CBL: variants seen among roughly 807,000 people sequenced by gnomAD.
The protein encoded by CBL is E3 ubiquitin-protein ligase CBL.
Under a neutral mutation model 96.9 loss-of-function variants are expected in CBL, and 45 were observed. The ratio of observed to expected loss-of-function variants is 0.46; its 90% CI spans 0.37 to 0.60. The LOEUF is 0.60. Ranked by LOEUF, CBL falls within the 20% of genes least tolerant of loss-of-function variation. The pLI is 0.00. For synonymous variants in CBL, 420 were observed against 426.8 expected (o/e 0.98, Z 0.20); for missense variants, 1,024 against 1,143.5 (o/e 0.90, Z 1.51).
chr11:119,298,265 G>A, intron 14 of CBL, 93 bp from the exon 15 acceptor site: 1 of 1,058,544 alleles, frequency 9.4e-7, no homozygotes, highest in South Asian at 1.3e-5. Flanking sequence ...ATAAATGATT[G>A]CATACATGTA....
At chr11:119,272,847 A>G (rs1565870671) in intron 3 of CBL, among the ~76,000 whole-genome samples, 1 of 152,144 alleles carries the variant, frequency 6.6e-6, no homozygotes, top group Non-Finnish European at 1.5e-5. Context: ...TTACATTACA[A>G]ATATCTTCTC....
chr11:119,218,331 G>A (rs1049477501), intron 1 of CBL, among the ~76,000 whole-genome samples: 2 of 152,022 alleles, frequency 1.3e-5, no homozygotes, highest in African/African-American at 4.8e-5. Context: ...AAGGGGATGG[G>A]GAGGAACTTT....
At chr11:119,224,890 G>A (rs546862121) in intron 1 of CBL, among the ~76,000 whole-genome samples, 2 of 151,912 alleles carry the variant, frequency 1.3e-5, no homozygotes, top group African/African-American at 2.4e-5. Flanking sequence ...GAGGTGGAGC[G>A]GGAGGCAAGG....
intron 2 of CBL, among the ~76,000 whole-genome samples, chr11:119,264,798 C>T (rs1411915436): frequency 3.3e-5 from 5 of 152,082 alleles, no homozygotes; most frequent in Non-Finnish European, 7.4e-5. Flanking sequence ...GGAAATTTTT[C>T]GGTCCTACAG....
intron 2 of CBL, among the ~76,000 whole-genome samples, chr11:119,241,464 C>T (rs1412904233): frequency 6.6e-6 from 1 of 152,178 alleles, no homozygotes; most frequent in Non-Finnish European, 1.5e-5. Flanking sequence ...CTATGGTAGG[C>T]ACTGCTCCTG....
intron 11 of CBL, among the ~76,000 whole-genome samples, chr11:119,287,278 C>T (rs959342461): frequency 6.6e-6 from 1 of 152,114 alleles, no homozygotes; most frequent in South Asian, 2.1e-4. Context: ...ACTGCATGCG[C>T]GTAAAAACGA....
chr11:119,226,778 T>A (rs907984913), intron 1 of CBL, among the ~76,000 whole-genome samples: 4 of 152,218 alleles, frequency 2.6e-5, no homozygotes, highest in Admixed American at 6.5e-5. Flanking sequence ...CATTTTGATA[T>A]GGCTATTTGA....
chr11:119,282,167 G>C (rs1176467767), intron 9 of CBL, among the ~76,000 whole-genome samples: 1 of 145,366 alleles, frequency 6.9e-6, no homozygotes, highest in Non-Finnish European at 1.5e-5. Context: ...GTGAAACCCT[G>C]TCTCTACTAA....
intron 2 of CBL, among the ~76,000 whole-genome samples, chr11:119,241,856 A>G (rs1949588879): frequency 6.6e-6 from 1 of 152,102 alleles, no homozygotes; most frequent in African/African-American, 2.4e-5. Context: ...AGAGATGGAA[A>G]GAAGTGGGCA....
intron 7 of CBL, 50 bp from the exon 8 acceptor site, chr11:119,278,116 A>T (rs2135303359): frequency 7.1e-7 from 1 of 1,403,890 alleles, no homozygotes; most frequent in South Asian, 1.2e-5. Context: ...AACATTTATA[A>T]TTGCAGTTAT....
chr11:119,235,189 CT>C (rs1949534453), intron 2 of CBL, among the ~76,000 whole-genome samples: 1 of 152,008 alleles, frequency 6.6e-6, no homozygotes, highest in Non-Finnish European at 1.5e-5. Flanking sequence ...TATTGGCTCA[CT>C]GCAAACTCTG....
At chr11:119,242,248 A>G (rs760487685) in intron 2 of CBL, among the ~76,000 whole-genome samples, 4 of 152,076 alleles carry the variant, frequency 2.6e-5, no homozygotes, top group Admixed American at 6.6e-5. Flanking sequence ...CCAAGAGTTT[A>G]AGACCAGCCT....
intron 12 of CBL, among the ~76,000 whole-genome samples, chr11:119,295,577 T>A (rs1024242752): frequency 1.1e-4 from 16 of 152,030 alleles, no homozygotes; most frequent in African/African-American, 3.9e-4. Flanking sequence ...AAATTTTTTT[T>A]AATTAGCCTG....
chr11:119,285,676 G>C (rs555432834), intron 11 of CBL, 110 bp downstream of exon 11: 1 of 1,260,326 alleles, frequency 7.9e-7, no homozygotes, highest in South Asian at 1.3e-5. Context: ...TGGGTGGATC[G>C]CTTGAGCCGA....
At position 119,284,969 on chromosome 11, in the gene CBL, G is replaced by C. The variant is rs947855757; in HGVS notation, c.1432G>C (p.Val478Leu). 1 of 1,613,934 alleles carries C rather than the reference G, an allele frequency of 6.2e-7. No individual in the cohort carries two copies. Among genetic ancestry groups the C allele is most frequent in the African/African-American group, 1.3e-5 (1 of 74,892 alleles). Residue 478 changes from valine (V) to leucine (L), a missense_variant and splice_region_variant, in exon 10 of 16, where the codon GTG becomes CTG. Physicochemically the swap from Val to Leu is conservative, Grantham distance 32. Around this residue, in one of 4 missense-constraint regions of CBL, gnomAD observed 695 missense variants for 661.6 expected, o/e 1.05. Coordinates refer to ENST00000264033, the MANE Select transcript of CBL (RefSeq NM_005188.4). Reference sequence around the variant, plus strand: ...CTGTTAAATTTTTTATGTACCCTAGGTGGAACGGCCGCCTTCTCCATTCTC... The same window carrying C: ...CTGTTAAATTTTTTATGTACCCTAGCTGGAACGGCCGCCTTCTCCATTCTC... ...FMMKELAGAKVERPPSPFSMA... is the reference protein window; with the variant it reads ...FMMKELAGAKLERPPSPFSMA...
intron 2 of CBL, among the ~76,000 whole-genome samples, chr11:119,262,484 T>C (rs963964076): frequency 1.7e-4 from 26 of 152,200 alleles, no homozygotes; most frequent in African/African-American, 6.3e-4. Flanking sequence ...AAACTGAAAC[T>C]GGATTTGGGT....
chr11:119,289,050 C>T (rs1950006072), intron 12 of CBL, among the ~76,000 whole-genome samples: 2 of 152,110 alleles, frequency 1.3e-5, no homozygotes, highest in African/African-American at 2.4e-5. Context: ...CCTTCTGTTA[C>T]TGCTGGCTTT....
At chr11:119,279,185 T>A (rs533672704) in intron 9 of CBL, among the ~76,000 whole-genome samples, 6 of 152,016 alleles carry the variant, frequency 3.9e-5, no homozygotes, top group African/African-American at 1.5e-4. Context: ...TTTTTTTTTT[T>A]ATTTTAATGG....
rs1005992669 is a variant in CBL, at chr11:119,300,996, T to C, written c.*1215T>C. 14 of 234,544 alleles carry C rather than the reference T, an allele frequency of 6.0e-5. No individual in the cohort carries two copies. Among genetic ancestry groups the C allele is most frequent in the African/African-American group, 3.1e-4 (14 of 45,394 alleles). The allele number at this position is 234,544 out of a possible 1,614,324, so 14.5% of individuals were successfully genotyped here. A position where few individuals can be genotyped will look rare whatever the true frequency, so the allele number is the denominator to read the frequency against. On this transcript the variant is annotated 3_prime_UTR_variant, in exon 16 of 16. Coordinates refer to ENST00000264033, the MANE Select transcript of CBL (RefSeq NM_005188.4). ...GAATATTAGGTTATATTTTCAGCAG[T>C]GGTTTTTTCCTTTGCCCTTTAAGGA...
Sources: allele counts gnomAD v4.1 joint callset (sites outside exome capture counted in the v4.1 genomes callset), GRCh38; gene constraint gnomAD v4.1.1; regional missense constraint gnomAD v4.1.1; transcripts MANE v1.5; gene names NCBI Gene and HGNC (gene_info 2026-07-23, HGNC 2026-07-21).